Variants in RAB11FIP5 observed in about 807,000 individuals in gnomAD.
RAB11FIP5 encodes the protein rab11 family-interacting protein 5.
A neutral mutation model predicts 85.1 loss-of-function variants in RAB11FIP5; 48 were observed. That is an observed-to-expected ratio of 0.56 (90% CI 0.45 to 0.72). RAB11FIP5 has a LOEUF of 0.72. Among genes scored for constraint, RAB11FIP5 ranks in the 30% least tolerant of loss-of-function variants. The probability of loss-of-function intolerance (pLI) is 0.00; values close to 1 mark genes in which losing one functional copy is unlikely to be tolerated. For synonymous variants in RAB11FIP5, 729 were observed against 727.3 expected, an observed-to-expected ratio of 1.00 and a Z score of -0.04; for missense variants, 1,491 against 1,687.0, an observed-to-expected ratio of 0.88 and a Z score of 2.04.
At chr2:73,092,598 G>T (rs1347567202) in intron 1 of RAB11FIP5, among the ~76,000 whole-genome samples, 1 of 152,072 alleles carries the variant, frequency 6.6e-6, no homozygotes, top group Non-Finnish European at 1.5e-5. Flanking sequence ...CAGGTCCTTT[G>T]CCACAAGGAC....
intron 1 of RAB11FIP5, among the ~76,000 whole-genome samples, chr2:73,097,596 C>T (rs1684346963): frequency 6.6e-6 from 1 of 152,198 alleles, no homozygotes; most frequent in South Asian, 2.1e-4. Flanking sequence ...TTCACAACTG[C>T]TCTATGGTTT....
Position 73,088,236 on chromosome 2 carries a change from CG to C in RAB11FIP5, c.1381del (p.Arg461GlyfsTer12). On this transcript the variant is annotated frameshift_variant, in exon 3 of 6. Transcript: ENST00000486777. LOFTEE classifies it high-confidence loss of function. ...EGARKEERKP[R>X]MGLFHHHHQG... ...GTGGTGGTGGTGGAAGAGACCCATC[CG>C]GGGCTTGCGTTCCTCCTTCCGGGCT... 1 of 1,613,884 alleles carries C rather than the reference CG, an allele frequency of 6.2e-7. No individual in the cohort carries two copies. Among genetic ancestry groups the C allele is most frequent in the East Asian group, 2.2e-5 (1 of 44,878 alleles).
chr2:73,090,984 G>C (rs997155919), intron 1 of RAB11FIP5, among the ~76,000 whole-genome samples: 1 of 152,024 alleles, frequency 6.6e-6, no homozygotes, highest in African/African-American at 2.4e-5. Flanking sequence ...TGGGGGCGTG[G>C]GTGGAGTAGA....
chr2:73,093,135 G>T (rs568001908), intron 1 of RAB11FIP5, among the ~76,000 whole-genome samples: 1 of 152,308 alleles, frequency 6.6e-6, no homozygotes, highest in South Asian at 2.1e-4. Context: ...ACAAATGGAG[G>T]CTTTCTTTTC....
chr2:73,112,939 CCGGGCCGCTGGCCG>C (rs1455025977), exon 1 of RAB11FIP5: 1 of 449,262 alleles, frequency 2.2e-6, no homozygotes, highest in Non-Finnish European at 3.2e-6. Flanking sequence ...CCCCGCCTCA[CCGGGCCGCTGGCCG>C]CGGGCCGCGC....
chr2:73,079,451 C>A (rs1683924064), intron 4 of RAB11FIP5, among the ~76,000 whole-genome samples, 200 bp downstream of exon 4: 1 of 152,162 alleles, frequency 6.6e-6, no homozygotes, highest in Non-Finnish European at 1.5e-5. Flanking sequence ...TATCCCAAGT[C>A]CCAAGACAGC....
At chr2:73,090,317 G>C (rs987441205) in intron 1 of RAB11FIP5, among the ~76,000 whole-genome samples, 2 of 152,214 alleles carry the variant, frequency 1.3e-5, no homozygotes, top group Non-Finnish European at 2.9e-5. Context: ...ACTGGGGAGA[G>C]ATGTTCTTAT....
intron 1 of RAB11FIP5, among the ~76,000 whole-genome samples, chr2:73,097,590 C>G (rs1302040711): frequency 6.6e-6 from 1 of 152,252 alleles, no homozygotes; most frequent in Non-Finnish European, 1.5e-5. Context: ...GCCCCCTTCA[C>G]AACTGCTCTA....
At chr2:73,083,706 T>C (rs1418552763) in intron 3 of RAB11FIP5, among the ~76,000 whole-genome samples, 2 of 152,192 alleles carry the variant, frequency 1.3e-5, no homozygotes, top group Admixed American at 1.3e-4. Flanking sequence ...ACATGCCTGC[T>C]GTGGGGACCA....
intron 1 of RAB11FIP5, among the ~76,000 whole-genome samples, chr2:73,092,373 G>A (rs746109050): frequency 9.2e-5 from 14 of 152,214 alleles, no homozygotes; most frequent in African/African-American, 1.4e-4. Flanking sequence ...TGAGGGGACC[G>A]GGGCCCTGTG....
At position 73,079,921 on chromosome 2, in the gene RAB11FIP5, T is replaced by C; in HGVS notation, c.3311A>G (p.Asp1104Gly). ...PEELPTPPEPDFPPPPLPPWA... is the reference protein window; with the variant it reads ...PEELPTPPEPGFPPPPLPPWA... ...AGGCGGGAGAGGGGGCGGTGGAAAG[T>C]CAGGCTCTGGGGGAGTGGGCAGCTC... The change falls in exon 4 of 6, where the codon GAC becomes GGC. Residue 1104 changes from aspartate (D) to glycine (G), a missense_variant. Asp to Gly is a moderately conservative substitution (Grantham distance 94). Around this residue, in one of 3 missense-constraint regions of RAB11FIP5, gnomAD observed 48 missense variants for 89.9 expected, o/e 0.53. Coordinates refer to ENST00000486777, the MANE Select transcript of RAB11FIP5 (RefSeq NM_001371272.1). 8.1e-7 allele frequency: 1 copy of C among 1,232,198 alleles called. No homozygotes were observed. The highest frequency in any genetic ancestry group is 3.2e-5 in the East Asian group (1 of 31,692). The allele number at this position is 1,232,198 out of a possible 1,614,324, so 76.3% of individuals were successfully genotyped here. A position where few individuals can be genotyped will look rare whatever the true frequency, so the allele number is the denominator to read the frequency against.
Position 73,081,000 on chromosome 2 carries a change from C to A in RAB11FIP5, c.2232G>T (p.Gly744=). 2.4e-6 allele frequency: 3 copies of A among 1,232,380 alleles called. No individual in the cohort carries two copies. The highest frequency in any genetic ancestry group is 2.0e-6 in the Non-Finnish European group (2 of 988,128). 76.3% of individuals were successfully genotyped at this position (1,232,380 alleles called of 1,614,324 possible). A position where few individuals can be genotyped will look rare whatever the true frequency, so the allele number is the denominator to read the frequency against. ...SASAADPGLL[G]SVGAGLPSSS... The stretch of plus-strand genomic sequence containing the variant: ...AGGAGGGCAGGCCAGCCCCTACCGA[C>A]CCGAGGAGCCCTGGGTCAGCCGCGC... The change falls in exon 4 of 6, where the codon GGG becomes GGT. Residue 744 remains glycine (G), a synonymous_variant. Coordinates refer to ENST00000486777, the MANE Select transcript of RAB11FIP5 (RefSeq NM_001371272.1).
chr2:73,082,882 A>G (rs1684015230), intron 3 of RAB11FIP5, among the ~76,000 whole-genome samples: 1 of 152,202 alleles, frequency 6.6e-6, no homozygotes, highest in Non-Finnish European at 1.5e-5. Flanking sequence ...ACAGAAGGCC[A>G]GAAAAAATGG....
At chr2:73,109,879 G>T (rs938380715) in intron 1 of RAB11FIP5, among the ~76,000 whole-genome samples, 2 of 152,180 alleles carry the variant, frequency 1.3e-5, no homozygotes, top group Admixed American at 6.5e-5. Context: ...CACCATCACT[G>T]CTCTGCACTG....
At chr2:73,104,151 A>G (rs1684481804) in intron 1 of RAB11FIP5, among the ~76,000 whole-genome samples, 1 of 152,252 alleles carries the variant, frequency 6.6e-6, no homozygotes, top group Non-Finnish European at 1.5e-5. Context: ...ACACCTTTGG[A>G]AGGTTACACA....
At chr2:73,093,968 A>G (rs1179825114) in intron 1 of RAB11FIP5, among the ~76,000 whole-genome samples, 3 of 152,124 alleles carry the variant, frequency 2.0e-5, no homozygotes, top group African/African-American at 7.2e-5. Context: ...TAAAAATACA[A>G]TAATTAGCTG....
Position 73,098,882 on chromosome 2 carries a change from G to C in RAB11FIP5, c.432-9567C>G, listed in dbSNP as rs1410800301. Among the ~76,000 whole-genome samples the C allele has an allele frequency of 2.6e-5, 4 of 152,168 alleles. No individual in the cohort carries two copies. In the East Asian group the frequency reaches 7.7e-4, roughly 29 times the overall value. ...ATACGCTTGTCACCAAGAGAAATCG[G>C]ATTATTTTCCTATCACATTTTAGCT... On this transcript the variant is annotated intron_variant, in intron 1 of 5. Coordinates refer to ENST00000486777, the MANE Select transcript of RAB11FIP5 (RefSeq NM_001371272.1).
At chr2:73,104,467 C>T (rs932869079) in intron 1 of RAB11FIP5, among the ~76,000 whole-genome samples, 1 of 152,178 alleles carries the variant, frequency 6.6e-6, no homozygotes, top group Non-Finnish European at 1.5e-5. Flanking sequence ...GCTCGGTAGG[C>T]TGAGGCAGGA....
intron 3 of RAB11FIP5, among the ~76,000 whole-genome samples, chr2:73,083,267 C>T (rs899628726): frequency 6.6e-6 from 1 of 152,172 alleles, no homozygotes; most frequent in African/African-American, 2.4e-5. Context: ...CAGACCCACA[C>T]AGAGGTGGAC....
Sources: gnomAD v4.1 joint callset for allele counts (sites outside exome capture counted in the v4.1 genomes callset) on GRCh38, gnomAD v4.1.1 for gene constraint, gnomAD v4.1.1 regional missense constraint, MANE v1.5 for transcripts, NCBI Gene and HGNC (gene_info 2026-07-23, HGNC 2026-07-21) for gene names.